FRMPD4: variants seen among roughly 807,000 people sequenced by gnomAD.
FRMPD4 encodes FERM and PDZ domain containing 4.
A neutral mutation model predicts 94.1 loss-of-function variants in FRMPD4; 22 were observed. The observed-to-expected ratio is 0.23, with a 90% CI of 0.17 to 0.33. The LOEUF is 0.33. Among genes scored for constraint, FRMPD4 ranks in the 10% least tolerant of loss-of-function variants. The pLI is 1.00. For missense variants in FRMPD4, 1,111 were observed against 1,339.9 expected, an observed-to-expected ratio of 0.83 and a Z score of 2.67; for synonymous variants, 631 against 548.6, an observed-to-expected ratio of 1.15 and a Z score of -2.10.
intron 1 of FRMPD4, among the ~76,000 whole-genome samples, chrX:12,399,605 G>T (rs1169305348): frequency 1.8e-5 from 2 of 111,755 alleles, no homozygotes; most frequent in African/African-American, 6.5e-5. Flanking sequence ...TTACAAAAAA[G>T]TAAGCTAGAA....
At chrX:12,463,094 T>A (rs1467792828) in intron 1 of FRMPD4, among the ~76,000 whole-genome samples, 1 of 112,211 alleles carries the variant, frequency 8.9e-6, no homozygotes, top group East Asian at 2.8e-4. Context: ...GGAGGATGGG[T>A]AGGGTCAAAC....
At chrX:12,327,938 G>T (rs2055313434) in intron 1 of FRMPD4, among the ~76,000 whole-genome samples, 1 of 111,668 alleles carries the variant, frequency 9.0e-6, no homozygotes, top group Non-Finnish European at 1.9e-5. Context: ...TGACTTTTTG[G>T]CTCCTCCCAT....
In FRMPD4 at chrX:12,420,724, G is replaced by A. The variant is rs143980233; in HGVS notation, c.42-77956G>A. ...ATTTCTGACACACATCTAGCCTTCT[G>A]TAACACCCTATGTGTGCTCTGTGAT... On this transcript the variant is annotated intron_variant, in intron 1 of 16. Transcript: ENST00000675598. 1.1e-3 allele frequency among the ~76,000 whole-genome samples: 124 copies of A among 112,218 alleles called. 5 individuals are homozygous for A. In the East Asian group the frequency reaches 0.031, roughly 28 times the overall value.
chrX:12,606,958 C>A (rs1289198629), intron 2 of FRMPD4, among the ~76,000 whole-genome samples: 1 of 111,604 alleles, frequency 9.0e-6, no homozygotes, highest in East Asian at 2.8e-4. Context: ...GCATACCCAG[C>A]CATGCCTGTT....
At chrX:12,495,051 C>A in intron 1 of FRMPD4, 1 of 709,199 alleles carries the variant, frequency 1.4e-6, no homozygotes, top group African/African-American at 2.3e-5. Context: ...CACCCAGGAT[C>A]ACACAGCTGG....
At chrX:12,403,377 T>C (rs1485149608) in intron 1 of FRMPD4, among the ~76,000 whole-genome samples, 9 of 110,145 alleles carry the variant, frequency 8.2e-5, no homozygotes, top group Admixed American at 7.7e-4. Context: ...TTTTTTCCCC[T>C]CAAATCTCAT....
Position 12,701,969 on chromosome X carries a change from T to C in FRMPD4, c.1029T>C (p.Val343=), listed in dbSNP as rs763330503. 8.3e-7 allele frequency: 1 copy of C among 1,210,931 alleles called. No homozygotes were observed. The highest frequency in any genetic ancestry group is 1.8e-5 in the South Asian group (1 of 57,048). ...CATTACAAATGTACATTGCAACCGTTACCACCAAGCAAACGCAGAAAATCT... is the reference window on the plus strand; with the variant it reads ...CATTACAAATGTACATTGCAACCGTCACCACCAAGCAAACGCAGAAAATCT... ...LAALQMYIAT[V]TTKQTQKISL... is the part of the protein sequence containing the mutation. The change falls in exon 10 of 17, where the codon GTT becomes GTC. Residue 343 remains valine, a synonymous_variant. Coordinates refer to ENST00000675598, the MANE Select transcript of FRMPD4 (RefSeq NM_001368397.1).
At chrX:12,007,049 G>A (rs1025626550) in intron 3 of FRMPD4, among the ~76,000 whole-genome samples, 4 of 111,920 alleles carry the variant, frequency 3.6e-5, no homozygotes, top group African/African-American at 9.8e-5. Context: ...AGTGGGCTTC[G>A]TGATTGCTTA....
chrX:12,276,773 G>A (rs1045902179), intron 1 of FRMPD4, among the ~76,000 whole-genome samples: 5 of 111,183 alleles, frequency 4.5e-5, no homozygotes, highest in Non-Finnish European at 9.4e-5. Flanking sequence ...ATGATTGTGG[G>A]GGGACCTTAG....
chrX:12,568,335 TTAA>T (rs2058731557), intron 2 of FRMPD4, among the ~76,000 whole-genome samples: 1 of 112,414 alleles, frequency 8.9e-6, no homozygotes. Flanking sequence ...ATTATTGTGA[TTAA>T]TAATTGTTAC....
intron 3 of FRMPD4, among the ~76,000 whole-genome samples, chrX:12,104,926 A>G (rs2055284758): frequency 8.9e-6 from 1 of 111,740 alleles, no homozygotes; most frequent in Non-Finnish European, 1.9e-5. Flanking sequence ...TAGCTTTGTC[A>G]AGTGCTAATT....
At chrX:12,647,394 C>A (rs2059557842) in intron 4 of FRMPD4, among the ~76,000 whole-genome samples, 1 of 111,855 alleles carries the variant, frequency 8.9e-6, no homozygotes, top group Non-Finnish European at 1.9e-5. Context: ...GAAAACATGC[C>A]TTGGAGTTAT....
chrX:11,836,944 CAAAGTGA>C (rs1354112038), intron 1 of FRMPD4, among the ~76,000 whole-genome samples: 5 of 111,945 alleles, frequency 4.5e-5, no homozygotes, highest in Non-Finnish European at 9.4e-5. Context: ...CAAAAAAGTG[CAAAGTGA>C]AAAGTCAAAA....
At chrX:12,423,176 G>A (rs746632368) in intron 1 of FRMPD4, among the ~76,000 whole-genome samples, 34 of 110,678 alleles carry the variant, frequency 3.1e-4, no homozygotes, top group Non-Finnish European at 5.7e-4. Flanking sequence ...TGTTGTTGCA[G>A]TGAGCCGAAC....
intron 12 of FRMPD4, 71 bp downstream of exon 12, chrX:12,706,986 A>T: frequency 3.7e-6 from 2 of 547,472 alleles, no homozygotes; most frequent in Non-Finnish European, 3.0e-6. Flanking sequence ...CTCTGATGAC[A>T]AAAGCAAATC....
Position 12,119,239 on chromosome X carries a change from G to A in FRMPD4, c.95+241221G>A, listed in dbSNP as rs144854279. ...TCTACCATGAAAAGTTCAGCATGCT[G>A]TATGTATTTGGGATGCATCATTGAG... On this transcript the variant is annotated intron_variant, in intron 3 of 18. Transcript: ENST00000640291. 1.8e-3 allele frequency among the ~76,000 whole-genome samples: 198 copies of A among 111,625 alleles called. 13 individuals carry two copies. The East Asian group carries it at 0.035, about 20-fold the overall frequency.
At chrX:11,968,044 A>G in intron 3 of FRMPD4, among the ~76,000 whole-genome samples, 1 of 110,503 alleles carries the variant, frequency 9.0e-6, no homozygotes, top group Non-Finnish European at 1.9e-5. Context: ...TAGCAGCATA[A>G]AGTAACAGCA....
At chrX:12,613,564 G>A (rs745818771) in intron 3 of FRMPD4, among the ~76,000 whole-genome samples, 41 of 112,585 alleles carry the variant, frequency 3.6e-4, no homozygotes, top group Admixed American at 3.3e-3. Flanking sequence ...AAGAGAAAAG[G>A]GCCAGGCACA....
chrX:12,671,962 C>T (rs1157866630), intron 4 of FRMPD4, among the ~76,000 whole-genome samples: 1 of 111,667 alleles, frequency 9.0e-6, no homozygotes, highest in Non-Finnish European at 1.9e-5. Flanking sequence ...TCACAATTAA[C>T]ACTTGATTGT....
Sources: allele counts gnomAD v4.1 joint callset (sites outside exome capture counted in the v4.1 genomes callset), GRCh38; gene constraint gnomAD v4.1.1; transcripts MANE v1.5; gene names NCBI Gene and HGNC (gene_info 2026-07-23, HGNC 2026-07-21).